The following UHRF1 variants were observed in gnomAD, a reference collection of about 807,000 sequenced individuals.
UHRF1 encodes ubiquitin like with PHD and ring finger domains 1.
In UHRF1, 9 loss-of-function variants were observed where a neutral mutation model predicts 96.5. The ratio of observed to expected loss-of-function variants is 0.09; its 90% CI spans 0.06 to 0.16. The LOEUF (loss-of-function observed/expected upper bound fraction) is 0.16, where lower values mean the gene tolerates loss of function less well. Among genes scored for constraint, UHRF1 ranks in the 10% least tolerant of loss-of-function variants. The probability of loss-of-function intolerance (pLI) is 1.00; values close to 1 mark genes in which losing one functional copy is unlikely to be tolerated. For missense variants in UHRF1, 626 were observed against 1,131.1 expected, an observed-to-expected ratio of 0.55 and a Z score of 6.40; for synonymous variants, 455 against 469.9, an observed-to-expected ratio of 0.97 and a Z score of 0.41.
intron 5 of UHRF1, among the ~76,000 whole-genome samples, chr19:4,938,729 G>A (rs1246918180): frequency 1.4e-5 from 1 of 73,914 alleles, no homozygotes; most frequent in Non-Finnish European, 2.7e-5. Context: ...GTTTTGGTCA[G>A]GTTTTTTTTT....
intron 11 of UHRF1, among the ~76,000 whole-genome samples, chr19:4,949,879 G>T (rs1230168965): frequency 6.6e-6 from 1 of 151,120 alleles, no homozygotes; most frequent in Non-Finnish European, 1.5e-5. Context: ...GCTTTGTTTT[G>T]TTTTTTTTGA....
chr19:4,956,975 T>C (rs2033873212), intron 16 of UHRF1, among the ~76,000 whole-genome samples, 162 bp downstream of exon 16: 1 of 152,156 alleles, frequency 6.6e-6, no homozygotes, highest in Admixed American at 6.5e-5. Context: ...GGGCAGCCTG[T>C]ATTACCACGG....
intron 5 of UHRF1, among the ~76,000 whole-genome samples, chr19:4,941,025 A>G (rs898413060): frequency 1.3e-5 from 2 of 150,872 alleles, no homozygotes; most frequent in African/African-American, 4.9e-5. Context: ...CTCCTTAGCC[A>G]AAGGTTCAAA....
intron 2 of UHRF1, 54 bp downstream of exon 2, chr19:4,911,092 T>G: frequency 7.0e-7 from 1 of 1,438,322 alleles, no homozygotes; most frequent in South Asian, 1.5e-5. Context: ...CTCGCGCCTC[T>G]GCAGCCACCA....
chr19:4,909,511 G>A lies in UHRF1; in HGVS notation c.-155G>A, dbSNP rs2032160757. On this transcript the variant is annotated 5_prime_UTR_variant, in exon 1 of 17. Transcript: ENST00000650932. ...CGCGGGAAAAAAATCAGAGCAGCTG[G>A]CAGCGCGGCGGGCAGCGTTTGCCGA... 6.1e-6 allele frequency: 4 copies of A among 657,952 alleles called. No homozygotes were observed. The highest frequency in any genetic ancestry group is 5.7e-5 in the African/African-American group (3 of 52,562). 40.8% of individuals were successfully genotyped at this position (657,952 alleles called of 1,614,324 possible). A position where few individuals can be genotyped will look rare whatever the true frequency, so the allele number is the denominator to read the frequency against.
intron 9 of UHRF1, 36 bp downstream of exon 9, chr19:4,944,486 G>A (rs751869829): frequency 1.9e-5 from 30 of 1,609,082 alleles, no homozygotes; most frequent in Admixed American, 1.0e-4. Context: ...GGGGCCACGC[G>A]GGCTCATCCT....
intron 2 of UHRF1, 104 bp from the exon 3 acceptor site, chr19:4,929,118 C>CG: frequency 6.9e-7 from 1 of 1,457,430 alleles, no homozygotes; most frequent in Admixed American, 2.1e-5. Context: ...GATTGCCCCC[C>CG]CCCCACAAGG....
At chr19:4,939,789 C>T (rs1211306156) in intron 5 of UHRF1, among the ~76,000 whole-genome samples, 2 of 152,066 alleles carry the variant, frequency 1.3e-5, no homozygotes, top group Non-Finnish European at 2.9e-5. Context: ...CTTTGGGGGG[C>T]CGAGGTGGGC....
chr19:4,914,410 T>C (rs1477014615), intron 2 of UHRF1, among the ~76,000 whole-genome samples: 2 of 152,096 alleles, frequency 1.3e-5, no homozygotes, highest in African/African-American at 4.8e-5. Flanking sequence ...TTTTTTTCCC[T>C]GTTTAAAGAA....
intron 2 of UHRF1, among the ~76,000 whole-genome samples, chr19:4,917,323 C>A (rs2032552196): frequency 6.6e-6 from 1 of 151,896 alleles, no homozygotes; most frequent in Non-Finnish European, 1.5e-5. Context: ...TTTATCTGGA[C>A]ACTTTTTTTT....
At position 4,954,765 on chromosome 19, in the gene UHRF1, C is replaced by A; in HGVS notation, c.2073C>A (p.Ala691=). The change falls in exon 15 of 17, where the codon GCC becomes GCA. Residue 691 remains alanine (A), a synonymous_variant. Coordinates refer to ENST00000650932, the MANE Select transcript of UHRF1 (RefSeq NM_001048201.3). This position sits in a 1 kb window ranked among gnomAD's most constrained non-coding sequence, Gnocchi z 5.9. ...SSLIREDKSN[A]KLWNEVLASL... is the part of the protein sequence containing the mutation. ...TCATCAGAGAGGACAAGAGCAACGC[C>A]AAGCTGTGGAATGAGGTCCTGGCGT... is the stretch of plus-strand genomic sequence containing the variant. 1 of 1,613,882 alleles carries A rather than the reference C, an allele frequency of 6.2e-7. No homozygotes were observed. Among genetic ancestry groups the A allele is most frequent in the Non-Finnish European group, 8.5e-7 (1 of 1,179,854 alleles).
intron 2 of UHRF1, among the ~76,000 whole-genome samples, chr19:4,920,776 G>C (rs1031309908): frequency 2.6e-5 from 4 of 152,254 alleles, no homozygotes; most frequent in Admixed American, 2.0e-4. Context: ...AGACATCATA[G>C]GTACAGGAAT....
At chr19:4,911,292 C>CT (rs2032265336) in intron 2 of UHRF1, among the ~76,000 whole-genome samples, 1 of 152,136 alleles carries the variant, frequency 6.6e-6, no homozygotes, top group Admixed American at 6.5e-5. Context: ...TTTTAAACTT[C>CT]TTTTTTCAAA....
intron 13 of UHRF1, among the ~76,000 whole-genome samples, chr19:4,951,833 TACTC>T (rs2033725959): frequency 6.6e-6 from 1 of 152,086 alleles, no homozygotes; most frequent in African/African-American, 2.4e-5. Flanking sequence ...GCCGAGAACT[TACTC>T]AACAAGCGGC....
In UHRF1 at chr19:4,909,652, A is replaced by T. The variant is rs2032170181; in HGVS notation, c.-14A>T. On this transcript the variant is annotated 5_prime_UTR_variant, in exon 1 of 17. Transcript: ENST00000650932. Reference sequence around the variant, plus strand: ...CAGACAAGCTGTTCGCGGCGACCGGAGAGGTGAGCGGGCGGGCCGGGTCGG... The same window carrying T: ...CAGACAAGCTGTTCGCGGCGACCGGTGAGGTGAGCGGGCGGGCCGGGTCGG... The T allele has an allele frequency of 1.8e-6, 1 of 549,910 alleles. No individual in the cohort carries two copies. The highest frequency in any genetic ancestry group is 3.9e-5 in the Admixed American group (1 of 25,744). The allele number at this position is 549,910 out of a possible 1,614,324, so 34.1% of individuals were successfully genotyped here. A position where few individuals can be genotyped will look rare whatever the true frequency, so the allele number is the denominator to read the frequency against.
chr19:4,908,843 G>A (rs936497931), upstream of UHRF1, among the ~76,000 whole-genome samples: 4 of 152,172 alleles, frequency 2.6e-5, no homozygotes, highest in Non-Finnish European at 5.9e-5. Context: ...CAACCTGTCC[G>A]GCTGCTTTGT....
chr19:4,915,322 T>C (rs1231992921), intron 2 of UHRF1, among the ~76,000 whole-genome samples: 1 of 152,188 alleles, frequency 6.6e-6, no homozygotes, highest in Non-Finnish European at 1.5e-5. Flanking sequence ...GCGCGGCCTC[T>C]GTTAGGGTGA....
intron 5 of UHRF1, among the ~76,000 whole-genome samples, chr19:4,936,649 A>C (rs898601003): frequency 6.6e-6 from 1 of 152,006 alleles, no homozygotes; most frequent in African/African-American, 2.4e-5. Context: ...ATGCAGTTAT[A>C]ATGTAGAGAT....
At chr19:4,911,445 A>G (rs1294224328) in intron 2 of UHRF1, among the ~76,000 whole-genome samples, 1 of 152,060 alleles carries the variant, frequency 6.6e-6, no homozygotes, top group Non-Finnish European at 1.5e-5. Context: ...TCCACCACCA[A>G]TTGCTCTCAG....
Sources: gnomAD v4.1 joint callset for allele counts (sites outside exome capture counted in the v4.1 genomes callset) on GRCh38, gnomAD v4.1.1 for gene constraint, Gnocchi (gnomAD v3.1) non-coding constraint, MANE v1.5 for transcripts, NCBI Gene and HGNC (gene_info 2026-07-23, HGNC 2026-07-21) for gene names.